PLSCR2: variants seen among roughly 807,000 people sequenced by gnomAD.
The protein encoded by PLSCR2 is phospholipid scramblase 2.
In PLSCR2, 18 loss-of-function variants were observed where a neutral mutation model predicts 25.3. That is an observed-to-expected ratio of 0.71 (90% CI 0.49 to 1.06). The LOEUF (loss-of-function observed/expected upper bound fraction) is 1.06, where lower values mean the gene tolerates loss of function less well. Ranked by LOEUF, PLSCR2 falls within the 50% of genes least tolerant of loss-of-function variation. The pLI is 0.00. For missense variants in PLSCR2, 243 were observed against 269.5 expected (o/e 0.90, Z 0.69); for synonymous variants, 88 against 87.3 (o/e 1.01, Z -0.04).
chr3:146,480,661 G>C (rs1426909514), intron 1 of PLSCR2, among the ~76,000 whole-genome samples: 1 of 152,102 alleles, frequency 6.6e-6, no homozygotes, highest in Admixed American at 6.6e-5. Context: ...GGTACAAAGA[G>C]GAGATGGTAC....
intron 1 of PLSCR2, among the ~76,000 whole-genome samples, chr3:146,478,383 T>C (rs911207989): frequency 6.6e-6 from 1 of 152,094 alleles, no homozygotes; most frequent in South Asian, 2.1e-4. Flanking sequence ...AAAAACAGTG[T>C]AGAGAAAACC....
intron 8 of PLSCR2, among the ~76,000 whole-genome samples, chr3:146,433,854 T>G (rs1386362192): frequency 6.6e-6 from 1 of 152,206 alleles, no homozygotes; most frequent in Admixed American, 6.6e-5. Flanking sequence ...ATTTGCCATT[T>G]GGGGTTATTG....
intron 8 of PLSCR2, among the ~76,000 whole-genome samples, chr3:146,436,727 C>A (rs970551970): frequency 1.7e-5 from 2 of 118,284 alleles, no homozygotes; most frequent in African/African-American, 5.3e-5. Context: ...CAAACAGGGA[C>A]AATTTGACTT....
At chr3:146,453,009 T>A (rs1399796547) in intron 5 of PLSCR2, among the ~76,000 whole-genome samples, 1 of 152,018 alleles carries the variant, frequency 6.6e-6, no homozygotes, top group Non-Finnish European at 1.5e-5. Context: ...TATAAGAGCA[T>A]TTTAAAGGTC....
chr3:146,441,115 G>A (rs1036460313), downstream of PLSCR2, among the ~76,000 whole-genome samples: 16 of 152,066 alleles, frequency 1.1e-4, no homozygotes, highest in Admixed American at 5.9e-4. Context: ...TAGTCATTAC[G>A]AAAACCTTAT....
At chr3:146,403,279 G>A (rs761968076) in intron 2 of PLSCR2, among the ~76,000 whole-genome samples, 1 of 151,886 alleles carries the variant, frequency 6.6e-6, no homozygotes, top group African/African-American at 2.4e-5. Context: ...ACTAACTCAC[G>A]GTGTTAAATT....
intron 2 of PLSCR2, among the ~76,000 whole-genome samples, chr3:146,404,708 C>G (rs917052974): frequency 6.6e-6 from 1 of 151,138 alleles, no homozygotes; most frequent in Non-Finnish European, 1.5e-5. Context: ...AGGCAAATTC[C>G]TTTCCAGCTA....
upstream of PLSCR2, chr3:146,463,950 G>A: frequency 8.1e-6 from 8 of 982,916 alleles, no homozygotes; most frequent in South Asian, 3.8e-4. Flanking sequence ...ATCTACTCAA[G>A]AAGTTCAGCA....
At chr3:146,480,851 C>T (rs558420948) in intron 1 of PLSCR2, among the ~76,000 whole-genome samples, 5 of 151,784 alleles carry the variant, frequency 3.3e-5, no homozygotes, top group African/African-American at 7.3e-5. Flanking sequence ...ACTGGCAAAC[C>T]GAATCCAGCA....
chr3:146,452,502 T>G (rs1267564982), intron 5 of PLSCR2, among the ~76,000 whole-genome samples: 1 of 152,150 alleles, frequency 6.6e-6, no homozygotes, highest in Non-Finnish European at 1.5e-5. Flanking sequence ...ATTCAAAACA[T>G]ATAATTTATG....
chr3:146,419,152 A>G (rs2108067646), intron 2 of PLSCR2, among the ~76,000 whole-genome samples: 1 of 152,220 alleles, frequency 6.6e-6, no homozygotes, highest in Admixed American at 6.6e-5. Flanking sequence ...TGCTATAAGC[A>G]AAAGGAAGAA....
intron 6 of PLSCR2, among the ~76,000 whole-genome samples, chr3:146,447,921 A>G (rs1186706480): frequency 6.6e-6 from 1 of 152,180 alleles, no homozygotes; most frequent in East Asian, 1.9e-4. Flanking sequence ...TGCTGTCTCC[A>G]TGAGTGCCAT....
chr3:146,459,498 C>T (rs1015089256), intron 2 of PLSCR2, among the ~76,000 whole-genome samples: 2 of 152,060 alleles, frequency 1.3e-5, no homozygotes, highest in African/African-American at 4.8e-5. Context: ...ATGATTACAA[C>T]GCTTATACAT....
chr3:146,468,656 C>G (rs2041971694), intron 1 of PLSCR2, among the ~76,000 whole-genome samples: 1 of 152,308 alleles, frequency 6.6e-6, no homozygotes, highest in South Asian at 2.1e-4. Context: ...CCAGACCTCC[C>G]TCACAAATAG....
chr3:146,434,138 G>C (rs1330492592), intron 8 of PLSCR2, among the ~76,000 whole-genome samples: 1 of 151,950 alleles, frequency 6.6e-6, no homozygotes, highest in Non-Finnish European at 1.5e-5. Context: ...TTTTAATGCT[G>C]AACGTTATTA....
chr3:146,393,750 A>G (rs1348554340), intron 3 of PLSCR2, among the ~76,000 whole-genome samples: 3 of 145,192 alleles, frequency 2.1e-5, no homozygotes, highest in Admixed American at 1.5e-4. Flanking sequence ...CAGAGGTTGC[A>G]GTGAGCTGAG....
intron 2 of PLSCR2, chr3:146,416,497 G>T (rs1189354417): frequency 6.6e-6 from 1 of 152,118 alleles, no homozygotes; most frequent in African/African-American, 2.4e-5. Flanking sequence ...GAAACACATT[G>T]CCATACCTGA....
upstream of PLSCR2, chr3:146,495,938 C>T: frequency 6.5e-7 from 1 of 1,534,168 alleles, no homozygotes; most frequent in East Asian, 2.4e-5. Flanking sequence ...ATTCGGCCCA[C>T]AATCCAGAGT....
chr3:146,446,814 C>A (rs1168015454), intron 6 of PLSCR2, among the ~76,000 whole-genome samples: 3 of 152,090 alleles, frequency 2.0e-5, no homozygotes, highest in African/African-American at 7.2e-5. Context: ...AGTTGGGAAC[C>A]TTAGGAATCT....
Sources: allele counts gnomAD v4.1 joint callset (sites outside exome capture counted in the v4.1 genomes callset), GRCh38; gene constraint gnomAD v4.1.1; transcripts MANE v1.5; gene names NCBI Gene and HGNC (gene_info 2026-07-23, HGNC 2026-07-21).